NRXN1: variants seen among roughly 807,000 people sequenced by gnomAD.
NRXN1 encodes neurexin-1.
Under a neutral mutation model 150.9 loss-of-function variants are expected in NRXN1, and 39 were observed. That is an observed-to-expected ratio of 0.26 (90% CI 0.20 to 0.34). The LOEUF (loss-of-function observed/expected upper bound fraction) is 0.34, where lower values mean the gene tolerates loss of function less well. NRXN1 is among the 10% of genes least tolerant of loss of function. The pLI is 1.00. For synonymous variants in NRXN1, 924 were observed against 757.0 expected (o/e 1.22, Z -3.62); for missense variants, 1,815 against 1,949.9 (o/e 0.93, Z 1.30).
intron 5 of NRXN1, among the ~76,000 whole-genome samples, chr2:50,764,835 A>T (rs1385892454): frequency 6.6e-6 from 1 of 152,056 alleles, no homozygotes; most frequent in Non-Finnish European, 1.5e-5. Flanking sequence ...AGCATGATTT[A>T]CTGTATTCTT....
At chr2:51,019,978 G>A (rs1181954736) in intron 2 of NRXN1, among the ~76,000 whole-genome samples, 2 of 151,504 alleles carry the variant, frequency 1.3e-5, no homozygotes, top group African/African-American at 2.4e-5. Context: ...TTTCCATTAA[G>A]GATTACTTTG....
At chr2:50,331,234 A>G (rs1489209669) in intron 17 of NRXN1, among the ~76,000 whole-genome samples, 1 of 152,148 alleles carries the variant, frequency 6.6e-6, no homozygotes, top group East Asian at 1.9e-4. Flanking sequence ...AGCTGCATCA[A>G]AGCTTTCTTG....
intron 2 of NRXN1, among the ~76,000 whole-genome samples, chr2:50,954,830 A>T (rs1692006433): frequency 6.6e-6 from 1 of 152,216 alleles, no homozygotes; most frequent in African/African-American, 2.4e-5. Context: ...TCACTGTCAG[A>T]ACTGGAATGG....
At chr2:50,996,770 A>C (rs1323118341) in intron 2 of NRXN1, among the ~76,000 whole-genome samples, 2 of 151,962 alleles carry the variant, frequency 1.3e-5, no homozygotes, top group Non-Finnish European at 2.9e-5. Context: ...CAGCCACTCT[A>C]ACCTCCTTCT....
At chr2:50,236,342 T>G (rs1284269564) in intron 18 of NRXN1, among the ~76,000 whole-genome samples, 2 of 152,084 alleles carry the variant, frequency 1.3e-5, no homozygotes, top group African/African-American at 4.8e-5. Flanking sequence ...TTCGTTCCTT[T>G]TATTTCATGT....
chr2:50,866,392 T>C (rs1279436818), intron 5 of NRXN1, among the ~76,000 whole-genome samples: 1 of 151,968 alleles, frequency 6.6e-6, no homozygotes, highest in African/African-American at 2.4e-5. Flanking sequence ...ATTGATTAAT[T>C]GTTATTATCC....
intron 18 of NRXN1, among the ~76,000 whole-genome samples, chr2:50,177,433 C>T (rs1342889794): frequency 1.3e-5 from 2 of 151,904 alleles, no homozygotes; most frequent in Non-Finnish European, 2.9e-5. Flanking sequence ...TTTGCTGTCC[C>T]ATTTCTATAA....
intron 17 of NRXN1, among the ~76,000 whole-genome samples, chr2:50,311,402 CA>C (rs1223722464): frequency 6.6e-6 from 1 of 152,068 alleles, no homozygotes; most frequent in Admixed American, 6.6e-5. Context: ...GCACTGCTGA[CA>C]AATAGGAGTG....
chr2:49,994,390 T>G (rs545601446), intron 21 of NRXN1, among the ~76,000 whole-genome samples: 9 of 152,218 alleles, frequency 5.9e-5, no homozygotes, highest in African/African-American at 2.2e-4. Context: ...GTTTTAGAGG[T>G]TTAGTTTGGG....
At chr2:50,225,122 G>T (rs531151327) in intron 18 of NRXN1, among the ~76,000 whole-genome samples, 3 of 151,942 alleles carry the variant, frequency 2.0e-5, no homozygotes, top group Non-Finnish European at 4.4e-5. Flanking sequence ...GGTTGTAAAT[G>T]GGAAGTCCCA....
At chr2:50,720,150 G>A (rs572799551) in intron 5 of NRXN1, among the ~76,000 whole-genome samples, 3 of 151,950 alleles carry the variant, frequency 2.0e-5, no homozygotes, top group African/African-American at 7.2e-5. Flanking sequence ...ATCAGAACAT[G>A]CAATTTCTGT....
At chr2:50,115,629 T>C (rs1013869057) in intron 18 of NRXN1, among the ~76,000 whole-genome samples, 4 of 151,978 alleles carry the variant, frequency 2.6e-5, no homozygotes, top group African/African-American at 9.7e-5. Context: ...CAATATCCTA[T>C]ACTTCCAGTC....
At chr2:50,246,858 A>C (rs1231708406) in intron 17 of NRXN1, among the ~76,000 whole-genome samples, 1 of 152,066 alleles carries the variant, frequency 6.6e-6, no homozygotes, top group Non-Finnish European at 1.5e-5. Flanking sequence ...CTTTTATTGA[A>C]ATATCCATTT....
intron 2 of NRXN1, among the ~76,000 whole-genome samples, chr2:51,019,038 G>A (rs765509217): frequency 1.3e-5 from 2 of 152,062 alleles, no homozygotes; most frequent in Non-Finnish European, 2.9e-5. Context: ...GTAAGAGTCT[G>A]CCACAACCCT....
In NRXN1 at chr2:50,491,650, G is replaced by A. The variant is rs975826578; in HGVS notation, c.3070+4255C>T. Among the ~76,000 whole-genome samples the A allele has an allele frequency of 3.9e-5, 6 of 152,252 alleles. No homozygotes were observed. In the South Asian group the frequency reaches 8.3e-4, roughly 21 times the overall value. Reference sequence around the variant, plus strand: ...GAGGGAGAACAGAGGAGGAAGAAAGGACAAAGTACTGCCTGGGCTGACCTA... The same window carrying A: ...GAGGGAGAACAGAGGAGGAAGAAAGAACAAAGTACTGCCTGGGCTGACCTA... On this transcript the variant is annotated intron_variant, in intron 15 of 22. Transcript: ENST00000401669.
chr2:50,308,558 T>A (rs2074868289), intron 17 of NRXN1, among the ~76,000 whole-genome samples: 1 of 152,142 alleles, frequency 6.6e-6, no homozygotes, highest in Non-Finnish European at 1.5e-5. Context: ...CTTGCTATGT[T>A]GCCCAGGCAG....
intron 17 of NRXN1, among the ~76,000 whole-genome samples, chr2:50,300,083 G>A (rs1028476051): frequency 4.6e-5 from 7 of 152,116 alleles, no homozygotes; most frequent in Admixed American, 3.9e-4. Flanking sequence ...TTAGAAAGGA[G>A]GTGGGATAGA....
intron 13 of NRXN1, among the ~76,000 whole-genome samples, chr2:50,498,777 C>A (rs991091136): frequency 1.3e-5 from 2 of 152,196 alleles, no homozygotes; most frequent in Non-Finnish European, 2.9e-5. Context: ...CACCCAACAT[C>A]TTGCTCTTGT....
intron 18 of NRXN1, among the ~76,000 whole-genome samples, chr2:50,175,607 A>AATAT (rs36032143): frequency 3.3e-5 from 5 of 149,260 alleles, no homozygotes; most frequent in African/African-American, 9.8e-5. Flanking sequence ...CATTTATGCA[A>AATAT]ATATATATAT....
Sources: gnomAD v4.1 joint callset for allele counts (sites outside exome capture counted in the v4.1 genomes callset) on GRCh38, gnomAD v4.1.1 for gene constraint, MANE v1.5 for transcripts, NCBI Gene and HGNC (gene_info 2026-07-23, HGNC 2026-07-21) for gene names.